ZFP69: variants seen among roughly 807,000 people sequenced by gnomAD.
ZFP69 encodes the protein zinc finger protein 69 homolog.
In ZFP69, 35 loss-of-function variants were observed where a neutral mutation model predicts 48.9. The ratio of observed to expected loss-of-function variants is 0.72; its 90% CI spans 0.55 to 0.95. The LOEUF is 0.95. Among genes scored for constraint, ZFP69 ranks in the 40% least tolerant of loss-of-function variants. ZFP69 has a pLI of 0.00. For synonymous variants in ZFP69, 193 were observed against 216.8 expected, an observed-to-expected ratio of 0.89 and a Z score of 0.96; for missense variants, 557 against 638.4, an observed-to-expected ratio of 0.87 and a Z score of 1.37.
intron 3 of ZFP69, among the ~76,000 whole-genome samples, chr1:40,483,254 G>C (rs1214157439): frequency 1.3e-5 from 1 of 79,508 alleles, no homozygotes; most frequent in Admixed American, 1.7e-4. Context: ...TTTAGAGACT[G>C]AGTCTCACTT....
At chr1:40,481,444 C>T (rs979937078) in intron 2 of ZFP69, among the ~76,000 whole-genome samples, 2 of 152,086 alleles carry the variant, frequency 1.3e-5, no homozygotes, top group African/African-American at 2.4e-5. Context: ...AAGGAGTGGC[C>T]TGTTAGAGCT....
chr1:40,488,777 C>T (rs1454813429), intron 3 of ZFP69, among the ~76,000 whole-genome samples: 1 of 152,186 alleles, frequency 6.6e-6, no homozygotes, highest in African/African-American at 2.4e-5. Context: ...CATAAAAGAT[C>T]ATCCTACCCT....
At chr1:40,494,892 T>C in intron 5 of ZFP69, 29 bp from the exon 6 acceptor site, 1 of 1,581,574 alleles carries the variant, frequency 6.3e-7, no homozygotes, top group Non-Finnish European at 8.6e-7. Flanking sequence ...CAGTAATTGG[T>C]TTTTAAAGCT....
At chr1:40,487,461 C>T (rs540118901) in intron 3 of ZFP69, among the ~76,000 whole-genome samples, 12 of 152,062 alleles carry the variant, frequency 7.9e-5, no homozygotes, top group African/African-American at 2.2e-4. Context: ...AAGAGATACA[C>T]GTATCTATTA....
intron 3 of ZFP69, among the ~76,000 whole-genome samples, chr1:40,485,883 G>A (rs1645490763): frequency 6.6e-6 from 1 of 151,952 alleles, no homozygotes; most frequent in African/African-American, 2.4e-5. Flanking sequence ...TTTATCTGAT[G>A]TGCATAGGTG....
At chr1:40,480,766 C>G (rs1169461922) in intron 2 of ZFP69, among the ~76,000 whole-genome samples, 1 of 152,072 alleles carries the variant, frequency 6.6e-6, no homozygotes, top group Non-Finnish European at 1.5e-5. Flanking sequence ...TTTGTACTTT[C>G]AAACATGAGA....
Position 40,479,253 on chromosome 1 carries a change from AG to A in ZFP69, c.-106del. The A allele has an allele frequency of 6.8e-7, 1 of 1,469,670 alleles. No homozygotes were observed. The highest frequency in any genetic ancestry group is 1.2e-5 in the South Asian group (1 of 86,580). The allele number at this position is 1,469,670 out of a possible 1,614,324, so 91.0% of individuals were successfully genotyped here. On this transcript the variant is annotated 5_prime_UTR_variant, in exon 2 of 6. Transcript: ENST00000372706. ...GCTGCAGGGACACACCAGAGTCCTG[AG>A]GGCAGGTGATTGGAATCTGAGCAAC...
chr1:40,485,124 C>T (rs1428662625), intron 3 of ZFP69, among the ~76,000 whole-genome samples: 1 of 151,704 alleles, frequency 6.6e-6, no homozygotes, highest in Non-Finnish European at 1.5e-5. Flanking sequence ...AAATCCTGAC[C>T]TCAGGTGATC....
chr1:40,489,659 C>A, intron 5 of ZFP69, 35 bp downstream of exon 5: 1 of 1,471,854 alleles, frequency 6.8e-7, no homozygotes, highest in South Asian at 1.2e-5. Flanking sequence ...TTTTGTGTTG[C>A]TATAAAGGAA....
In ZFP69 at chr1:40,495,293, A is replaced by G; in HGVS notation, c.815A>G (p.Glu272Gly). The change falls in exon 6 of 6, where the codon GAA (glutamate) becomes GGA (glycine). Residue 272 changes from glutamate (E) to glycine (G), a missense_variant. Glu to Gly is a moderately conservative substitution (Grantham distance 98, BLOSUM62 -2). Transcript: ENST00000372706. ...AGTTACATAAGAACAAAAACCTATG[A>G]ATGTAATATATGTGAAAAAATCTTC... is the stretch of plus-strand genomic sequence containing the variant. ...PTSYIRTKTYECNICEKIFKQ... is the reference protein window; with the variant it reads ...PTSYIRTKTYGCNICEKIFKQ... 6.2e-7 allele frequency: 1 copy of G among 1,614,064 alleles called. No homozygotes were observed. Among genetic ancestry groups the G allele is most frequent in the Middle Eastern group, 1.6e-4 (1 of 6,062 alleles).
Position 40,495,759 on chromosome 1 carries a change from A to C in ZFP69, c.1281A>C (p.Thr427=). 6.2e-7 allele frequency: 1 copy of C among 1,614,106 alleles called. No homozygotes were observed. The change falls in exon 6 of 6, where the codon ACA becomes ACC. Residue 427 remains threonine, a synonymous_variant. Transcript: ENST00000372706. ...CCTTTAGTCATAGAGCGTATCTAAC[A>C]CATCACCAGAGAATCCATACTGGGG... ...CKTFSHRAYL[T]HHQRIHTGER... is the part of the protein sequence containing the mutation.
intron 5 of ZFP69, 34 bp downstream of exon 5, chr1:40,489,658 G>A (rs756254145): frequency 6.8e-7 from 1 of 1,476,602 alleles, no homozygotes; most frequent in Non-Finnish European, 9.3e-7. Flanking sequence ...TTTTTGTGTT[G>A]CTATAAAGGA....
Position 40,489,624 on chromosome 1 carries a change from G to C in ZFP69, c.442G>C (p.Asp148His). 6.2e-7 allele frequency: 1 copy of C among 1,607,048 alleles called. No individual in the cohort carries two copies. The highest frequency in any genetic ancestry group is 8.5e-7 in the Non-Finnish European group (1 of 1,177,204). ...EKEGPGDPSSDLKSKIETIES... is the reference protein window; with the variant it reads ...EKEGPGDPSSHLKSKIETIES... ...AGAAGGCCCAGGAGATCCCAGTTCA[G>C]GTGAGACCAAGTGTGTTAGTCTGTT... The change falls in exon 5 of 6, where the codon GAC (aspartate) becomes CAC (histidine). Residue 148 changes from aspartate (D) to histidine (H), a missense_variant and splice_region_variant. Physicochemically the swap from Asp to His is moderately conservative, Grantham distance 81. Transcript: ENST00000372706.
intron 5 of ZFP69, among the ~76,000 whole-genome samples, 195 bp from the exon 6 acceptor site, chr1:40,494,726 T>A (rs918949861): frequency 2.1e-4 from 16 of 75,296 alleles, no homozygotes; most frequent in Admixed American, 1.3e-3. Context: ...ATATATCAAA[T>A]ATATATATAT....
intron 1 of ZFP69, 120 bp downstream of exon 1, chr1:40,478,014 C>A (rs1024039579): frequency 6.6e-6 from 1 of 151,998 alleles, no homozygotes; most frequent in Non-Finnish European, 1.5e-5. Context: ...GAGTAAGATT[C>A]GAAAATTCGT....
intron 3 of ZFP69, 73 bp downstream of exon 3, chr1:40,481,927 C>G: frequency 8.5e-7 from 1 of 1,171,518 alleles, no homozygotes; most frequent in Non-Finnish European, 1.2e-6. Context: ...GTCTTTTTTG[C>G]AGAGGTGGGA....
rs1424820709 is a variant in ZFP69, at chr1:40,495,414, A to C, written c.936A>C (p.Ala312=). The stretch of plus-strand genomic sequence containing the variant: ...GTGGAAGGGCCTTTAGTCAAAGTGC[A>C]TCCCTCAGTACACACCAGAGAATCC... The part of the protein sequence containing the change: ...KECGRAFSQS[A]SLSTHQRIHT... Residue 312 remains alanine, a synonymous_variant, in exon 6 of 6, where the codon GCA becomes GCC. Coordinates refer to ENST00000372706, the MANE Select transcript of ZFP69 (RefSeq NM_001320179.2). 6.2e-7 allele frequency: 1 copy of C among 1,614,196 alleles called. No individual in the cohort carries two copies. The highest frequency in any genetic ancestry group is 8.5e-7 in the Non-Finnish European group (1 of 1,180,026).
rs1645422957 is a variant in ZFP69, at chr1:40,479,460, G to T, written c.99G>T (p.Glu33Asp). 6.2e-7 allele frequency: 1 copy of T among 1,613,698 alleles called. No individual in the cohort carries two copies. Among genetic ancestry groups the T allele is most frequent in the Admixed American group, 1.7e-5 (1 of 59,970 alleles). ...KKAVEGAPLW[E>D]DVTKMFEGEA... ...CCGTGGAGGGGGCGCCCCTGTGGGA[G>T]GATGTGACTAAAATGTTTGAAGGAG... The change falls in exon 2 of 6, where the codon GAG becomes GAT. Residue 33 changes from glutamate to aspartate, a missense_variant. Glu to Asp is a conservative substitution (Grantham distance 45, BLOSUM62 2). Coordinates refer to ENST00000372706, the MANE Select transcript of ZFP69 (RefSeq NM_001320179.2).
At chr1:40,484,587 T>G (rs1645476222) in intron 3 of ZFP69, among the ~76,000 whole-genome samples, 1 of 151,954 alleles carries the variant, frequency 6.6e-6, no homozygotes, top group Admixed American at 6.6e-5. Context: ...CTTTGATTTT[T>G]TTTTTTTAAT....
Sources: allele counts gnomAD v4.1 joint callset (sites outside exome capture counted in the v4.1 genomes callset), GRCh38; gene constraint gnomAD v4.1.1; transcripts MANE v1.5; gene names NCBI Gene and HGNC (gene_info 2026-07-23, HGNC 2026-07-21).